The following BUB1B variants were observed in gnomAD, a reference collection of about 807,000 sequenced individuals.
The protein encoded by BUB1B is mitotic checkpoint serine/threonine-protein kinase BUB1 beta.
Under a neutral mutation model 137.7 loss-of-function variants are expected in BUB1B, and 86 were observed. That is an observed-to-expected ratio of 0.62 (90% CI 0.52 to 0.75). The LOEUF is 0.75. Ranked by LOEUF, BUB1B falls within the 30% of genes least tolerant of loss-of-function variation. The probability of loss-of-function intolerance (pLI) is 0.00; values close to 1 mark genes in which losing one functional copy is unlikely to be tolerated. For synonymous variants in BUB1B, 420 were observed against 417.9 expected (o/e 1.00, Z -0.06); for missense variants, 1,130 against 1,236.9 (o/e 0.91, Z 1.30).
intron 4 of BUB1B, 122 bp from the exon 5 acceptor site, chr15:40,176,355 G>A (rs1041814410): frequency 5.3e-6 from 5 of 937,066 alleles, no homozygotes; most frequent in Non-Finnish European, 8.5e-6. Context: ...TTATCACATT[G>A]TAATAATAGA....
intron 4 of BUB1B, among the ~76,000 whole-genome samples, chr15:40,173,566 T>G (rs774158845): frequency 6.6e-6 from 1 of 152,192 alleles, no homozygotes; most frequent in African/African-American, 2.4e-5. Flanking sequence ...TTGGAAACTT[T>G]GGTAACAATT....
chr15:40,173,613 T>C (rs1207321325), intron 4 of BUB1B, among the ~76,000 whole-genome samples: 1 of 152,214 alleles, frequency 6.6e-6, no homozygotes, highest in Non-Finnish European at 1.5e-5. Flanking sequence ...TCATCATTCT[T>C]TGAGTAACTT....
In BUB1B at chr15:40,174,030, A is replaced by G. The variant is rs912357201; in HGVS notation, c.385-2447A>G. On this transcript the variant is annotated intron_variant, in intron 4 of 22. Transcript: ENST00000287598. ...TTAAGGGTTACCAAAAAAAAGGTTT[A>G]TTTAACTTTTAGATCTATTAATCTA... The G allele has an allele frequency of 8.3e-5, 33 of 399,664 alleles. 1 individual carries two copies. Among genetic ancestry groups the G allele is most frequent in the South Asian group, 3.6e-4 (19 of 53,336 alleles). 24.8% of individuals were successfully genotyped at this position (399,664 alleles called of 1,614,324 possible).
chr15:40,162,592 A>G (rs2037053541), intron 1 of BUB1B, among the ~76,000 whole-genome samples: 2 of 152,312 alleles, frequency 1.3e-5, no homozygotes, highest in Middle Eastern at 3.4e-3. Context: ...TTTTGAAGGT[A>G]GAACCAGTAG....
chr15:40,209,665 A>G lies in BUB1B; in HGVS notation c.2174A>G (p.Gln725Arg). ...CCTACTCAGTCACCATGGTGTTCACAGTATCGCAGACAGCTACTGAAGTCC... is the reference window on the plus strand; with the variant it reads ...CCTACTCAGTCACCATGGTGTTCACGGTATCGCAGACAGCTACTGAAGTCC... ...ENPTQSPWCS[Q>R]YRRQLLKSLP... The change falls in exon 17 of 23, where the codon CAG (glutamine) becomes CGG (arginine). Residue 725 changes from glutamine to arginine, a missense_variant. Transcript: ENST00000287598. 1 of 1,614,124 alleles carries G rather than the reference A, an allele frequency of 6.2e-7. No homozygotes were observed. Among genetic ancestry groups the G allele is most frequent in the Non-Finnish European group, 8.5e-7 (1 of 1,180,022 alleles).
chr15:40,191,490 G>A (rs1163411577), intron 8 of BUB1B, among the ~76,000 whole-genome samples: 2 of 152,330 alleles, frequency 1.3e-5, no homozygotes, highest in East Asian at 3.9e-4. Context: ...CAATTTATCT[G>A]TTTTTTAAAA....
intron 16 of BUB1B, among the ~76,000 whole-genome samples, 158 bp from the exon 17 acceptor site, chr15:40,209,477 C>T (rs1329973694): frequency 6.6e-6 from 1 of 152,190 alleles, no homozygotes; most frequent in Non-Finnish European, 1.5e-5. Flanking sequence ...ACGAAGTGAA[C>T]ACAGTTTCAT....
chr15:40,170,884 C>T (rs2037154492), intron 4 of BUB1B, among the ~76,000 whole-genome samples: 3 of 152,050 alleles, frequency 2.0e-5, no homozygotes, highest in African/African-American at 4.8e-5. Flanking sequence ...GTATTTTCGC[C>T]CTTTTAAGAT....
chr15:40,185,458 CTT>C, intron 7 of BUB1B, 79 bp downstream of exon 7: 1 of 1,588,886 alleles, frequency 6.3e-7, no homozygotes, highest in Non-Finnish European at 8.6e-7. Context: ...TTTACCATCT[CTT>C]TTAATTCCTC....
At chr15:40,182,320 T>G (rs886537254) in intron 5 of BUB1B, among the ~76,000 whole-genome samples, 4 of 152,252 alleles carry the variant, frequency 2.6e-5, no homozygotes, top group African/African-American at 9.6e-5. Context: ...TCTTTGTGTG[T>G]CAAGTAATTC....
intron 8 of BUB1B, among the ~76,000 whole-genome samples, chr15:40,193,100 T>C (rs2140896193): frequency 1.3e-5 from 2 of 152,272 alleles, no homozygotes; most frequent in South Asian, 4.1e-4. Context: ...TCTTCCTGCG[T>C]CAGCCTCCCA....
chr15:40,187,770 G>A (rs905085619), intron 8 of BUB1B, among the ~76,000 whole-genome samples: 26 of 151,774 alleles, frequency 1.7e-4, no homozygotes, highest in Admixed American at 1.6e-3. Context: ...TTAGCCAAGT[G>A]CAGTGGCTTG....
At position 40,209,762 on chromosome 15, in the gene BUB1B, G is replaced by T. The variant is rs1007572176; in HGVS notation, c.2271G>T (p.Lys757Asn). The change falls in exon 17 of 23, where the codon AAG becomes AAT. Residue 757 changes from lysine to asparagine, a missense_variant. Physicochemically the swap from Lys to Asn is moderately conservative, Grantham distance 94. Transcript: ENST00000287598. ...CAATGCCTAAGTTGGAAATTGAGAA[G>T]GAAATTGAATTAGGTAAGTACCATT... ...DRPMPKLEIE[K>N]EIELGNEDYC... 2 of 1,613,990 alleles carry T rather than the reference G, an allele frequency of 1.2e-6. No homozygotes were observed. Among genetic ancestry groups the T allele is most frequent in the Admixed American group, 3.3e-5 (2 of 59,994 alleles).
At chr15:40,162,987 A>C (rs531289491) in intron 1 of BUB1B, among the ~76,000 whole-genome samples, 1 of 152,254 alleles carries the variant, frequency 6.6e-6, no homozygotes, top group Non-Finnish European at 1.5e-5. Context: ...AAATCAATTC[A>C]TTGCGGGGCT....
At chr15:40,201,060 A>T (rs1395166252) in intron 12 of BUB1B, 80 bp downstream of exon 12, 1 of 1,355,180 alleles carries the variant, frequency 7.4e-7, no homozygotes, top group African/African-American at 1.5e-5. Flanking sequence ...ATTTTTAATT[A>T]TGATAAAGGG....
chr15:40,214,126 A>T (rs182549632), intron 20 of BUB1B, among the ~76,000 whole-genome samples: 132 of 152,308 alleles, frequency 8.7e-4, no homozygotes, highest in African/African-American at 2.9e-3. Context: ...ATGCCAGCAA[A>T]ATCAAGGCAC....
rs1595520134 is a variant in BUB1B, at chr15:40,185,659, G to A, written c.1058+17G>A. The A allele has an allele frequency of 3.1e-6, 5 of 1,606,024 alleles. No individual in the cohort carries two copies. In the South Asian group the frequency reaches 5.5e-5, roughly 18 times the overall value. On this transcript the variant is annotated intron_variant, in intron 8 of 22. Transcript: ENST00000287598. ...GCCAGTTATGTGAGTGTGGTTTTTG[G>A]ATATTTTGAAGTGGGAATTATTAAG...
chr15:40,212,060 CCTGATGT>C (rs1173355492), intron 18 of BUB1B, among the ~76,000 whole-genome samples: 1 of 152,190 alleles, frequency 6.6e-6, no homozygotes, highest in Admixed American at 6.5e-5. Flanking sequence ...GTCTTGAACC[CCTGATGT>C]CAGGTAATCC....
rs760345452 is a variant in BUB1B at position 40,185,287 on chromosome 15, G to A, written c.874G>A (p.Val292Ile). ...ASTAELSKPT[V>I]QPWIAPPMPR... Reference sequence around the variant, plus strand: ...TACAGCAGAGTTGTCTAAGCCTACAGTCCAGCCATGGATAGCACCCCCCAT... The same window carrying A: ...TACAGCAGAGTTGTCTAAGCCTACAATCCAGCCATGGATAGCACCCCCCAT... Residue 292 changes from valine to isoleucine, a missense_variant, in exon 7 of 23, where the codon GTC (valine) becomes ATC (isoleucine). Transcript: ENST00000287598. 2.5e-6 allele frequency: 4 copies of A among 1,614,072 alleles called. No homozygotes were observed. In the East Asian group the frequency reaches 8.9e-5, roughly 36 times the overall value.
Sources: allele counts gnomAD v4.1 joint callset (sites outside exome capture counted in the v4.1 genomes callset), GRCh38; gene constraint gnomAD v4.1.1; transcripts MANE v1.5; gene names NCBI Gene and HGNC (gene_info 2026-07-23, HGNC 2026-07-21).